Variants in FBXO34 observed in about 807,000 individuals in gnomAD.
FBXO34 encodes the protein F-box protein 34.
In FBXO34, 12 loss-of-function variants were observed where a neutral mutation model predicts 24.5. That is an observed-to-expected ratio of 0.49 (90% CI 0.31 to 0.79). The LOEUF (loss-of-function observed/expected upper bound fraction) is 0.79. Ranked by LOEUF, FBXO34 falls within the 30% of genes least tolerant of loss-of-function variation. FBXO34 has a pLI of 0.04. For missense variants in FBXO34, 823 were observed against 857.7 expected, an observed-to-expected ratio of 0.96 and a Z score of 0.51; for synonymous variants, 320 against 311.9, an observed-to-expected ratio of 1.03 and a Z score of -0.27.
the FBXO34 span, among the ~76,000 whole-genome samples, chr14:55,437,247 C>T: frequency 6.6e-6 from 1 of 152,242 alleles, no homozygotes; most frequent in African/African-American, 2.4e-5. Flanking sequence ...AAGGCTGAGG[C>T]AGGCGGATGG....
intron 1 of FBXO34, among the ~76,000 whole-genome samples, chr14:55,333,072 G>A (rs1883654128): frequency 6.6e-6 from 1 of 152,178 alleles, no homozygotes. Context: ...TCTTTCTAGT[G>A]GGCTATTGTT....
chr14:55,411,994 G>A, the FBXO34 span: 8 of 628,720 alleles, frequency 1.3e-5, no homozygotes, highest in Non-Finnish European at 2.2e-5. Context: ...CTGCTGAGGG[G>A]CAACAGGTCC....
intron 1 of FBXO34, among the ~76,000 whole-genome samples, chr14:55,292,815 G>T (rs1881985872): frequency 6.6e-6 from 1 of 152,124 alleles, no homozygotes; most frequent in South Asian, 2.1e-4. Flanking sequence ...CAATGTTTTG[G>T]CTCTTCTGGG....
At chr14:55,291,574 C>T (rs1231765365) in intron 1 of FBXO34, among the ~76,000 whole-genome samples, 1 of 151,604 alleles carries the variant, frequency 6.6e-6, no homozygotes, top group African/African-American at 2.4e-5. Flanking sequence ...GGCATAGTGG[C>T]TTATGCCTCC....
intron 1 of FBXO34, among the ~76,000 whole-genome samples, chr14:55,275,862 C>T (rs955084856): frequency 1.4e-5 from 2 of 144,352 alleles, no homozygotes; most frequent in African/African-American, 2.5e-5. Flanking sequence ...CTATGTTATG[C>T]TAGATTGGCC....
chr14:55,373,314 T>A (rs1884857724), downstream of FBXO34, among the ~76,000 whole-genome samples: 1 of 152,236 alleles, frequency 6.6e-6, no homozygotes. Context: ...TCTAGCTTTG[T>A]AAAAGTCACT....
intron 1 of FBXO34, chr14:55,298,818 C>A: frequency 6.2e-7 from 1 of 1,611,870 alleles, no homozygotes; most frequent in Non-Finnish European, 8.5e-7. Flanking sequence ...GGCACTGAAG[C>A]GTAAGAAGAG....
At chr14:55,370,035 C>A, downstream of FBXO34, 1 of 1,008,242 alleles carries the variant, frequency 9.9e-7, no homozygotes, top group East Asian at 2.5e-5. Flanking sequence ...CGCCGCACAC[C>A]CCATTCATTC....
chr14:55,378,042 T>A, the FBXO34 span: 5 of 1,612,844 alleles, frequency 3.1e-6, no homozygotes, highest in Non-Finnish European at 4.2e-6. Flanking sequence ...TCGAGTAAAT[T>A]TCTGCTTGCT....
chr14:55,299,343 A>G (rs1882260695), intron 1 of FBXO34: 1 of 353,776 alleles, frequency 2.8e-6, no homozygotes, highest in Admixed American at 4.5e-5. Flanking sequence ...GTAGGGCCGC[A>G]TTGCTGCTCG....
At chr14:55,396,371 A>C in the FBXO34 span, among the ~76,000 whole-genome samples, 1 of 152,242 alleles carries the variant, frequency 6.6e-6, no homozygotes, top group South Asian at 2.1e-4. Flanking sequence ...ATGGAATAAA[A>C]TGTTCTATGG....
chr14:55,280,173 A>G (rs1020004383), intron 1 of FBXO34, among the ~76,000 whole-genome samples: 7 of 152,336 alleles, frequency 4.6e-5, no homozygotes, highest in Middle Eastern at 3.4e-3. Context: ...ATGTATATAT[A>G]TCACATCATA....
intron 1 of FBXO34, among the ~76,000 whole-genome samples, chr14:55,340,545 C>G (rs1883958342): frequency 6.6e-6 from 1 of 151,396 alleles, no homozygotes; most frequent in South Asian, 2.1e-4. Flanking sequence ...CCATGCCTGG[C>G]TGGCTCGTAA....
chr14:55,348,066 C>T (rs1884216207), intron 1 of FBXO34, among the ~76,000 whole-genome samples: 1 of 152,048 alleles, frequency 6.6e-6, no homozygotes, highest in Admixed American at 6.5e-5. Context: ...TAAGACTATA[C>T]AGTATAATGA....
chr14:55,395,130 G>A, the FBXO34 span: 10 of 478,484 alleles, frequency 2.1e-5, no homozygotes, highest in African/African-American at 4.0e-5. Flanking sequence ...TCTCAGCTTC[G>A]TTTCCACTTT....
intron 1 of FBXO34, among the ~76,000 whole-genome samples, chr14:55,313,085 T>C (rs1031426049): frequency 1.3e-5 from 2 of 152,222 alleles, no homozygotes; most frequent in African/African-American, 4.8e-5. Flanking sequence ...TCTTTGTGAA[T>C]GCTTAGAACT....
In FBXO34 at chr14:55,323,214, A is replaced by ATATAT. The variant is rs1236501244; in HGVS notation, c.-10-27167_-10-27166insTATAT. ...AAAAAAAAAAAAAAAAAAAAAAAAA[A>ATATAT]AAAAATATATATTTTTTTTTTTTTT... On this transcript the variant is annotated intron_variant, in intron 1 of 1. Transcript: ENST00000313833. Among the ~76,000 whole-genome samples, 37 of 38,890 alleles carry ATATAT rather than the reference A, an allele frequency of 9.5e-4. 1 individual carries two copies. The highest frequency in any genetic ancestry group is 2.1e-3 in the South Asian group (2 of 954). 25.5% of individuals were successfully genotyped at this position (38,890 alleles called of 152,430 possible).
At chr14:55,421,599 G>A in the FBXO34 span, among the ~76,000 whole-genome samples, 4 of 152,138 alleles carry the variant, frequency 2.6e-5, no homozygotes, top group African/African-American at 9.7e-5. Flanking sequence ...AAGTAGCTGG[G>A]GTCACAGGTG....
At chr14:55,305,320 G>A (rs951464410) in intron 1 of FBXO34, among the ~76,000 whole-genome samples, 4 of 151,674 alleles carry the variant, frequency 2.6e-5, no homozygotes, top group Non-Finnish European at 4.4e-5. Context: ...GCTGAGGCAG[G>A]GGAATAATCA....
Sources: allele counts gnomAD v4.1 joint callset (sites outside exome capture counted in the v4.1 genomes callset), GRCh38; gene constraint gnomAD v4.1.1; transcripts MANE v1.5; gene names NCBI Gene and HGNC (gene_info 2026-07-23, HGNC 2026-07-21).